The following NINJ2 variants were observed in gnomAD, a reference collection of about 807,000 sequenced individuals.
NINJ2 encodes ninjurin-2.
A neutral mutation model predicts 11.7 loss-of-function variants in NINJ2; 12 were observed. That is an observed-to-expected ratio of 1.02 (90% confidence interval 0.66 to 1.66). The LOEUF is 1.66. Ranked by LOEUF, NINJ2 falls within the 40% of genes most tolerant of loss-of-function variation. The probability of loss-of-function intolerance (pLI) is 0.00; values close to 1 mark genes in which losing one functional copy is unlikely to be tolerated. For synonymous variants in NINJ2, 93 were observed against 76.8 expected (o/e 1.21, Z -1.10); for missense variants, 187 against 181.8 (o/e 1.03, Z -0.16).
intron 1 of NINJ2, among the ~76,000 whole-genome samples, chr12:625,518 G>A (rs1484323263): frequency 6.6e-6 from 1 of 151,718 alleles, no homozygotes; most frequent in Non-Finnish European, 1.5e-5. Context: ...CTACGTTGAA[G>A]AAAAAGAAAG....
chr12:622,819 T>C (rs1279739612), intron 1 of NINJ2, among the ~76,000 whole-genome samples: 1 of 152,086 alleles, frequency 6.6e-6, no homozygotes, highest in Non-Finnish European at 1.5e-5. Flanking sequence ...TGAATAACTT[T>C]TCACATAATT....
At chr12:611,263 T>C (rs202220692) in intron 1 of NINJ2, among the ~76,000 whole-genome samples, 10,801 of 125,750 alleles carry the variant, frequency 0.086, 522 homozygotes, top group Middle Eastern at 0.13. Flanking sequence ...CTCTCTTTCT[T>C]TCTTTCTTTC....
rs1000458625 is a variant in NINJ2, at chr12:591,376, A to T, written c.34-25198T>A. 1 of 152,264 alleles carries T rather than the reference A, an allele frequency of 6.6e-6. No individual in the cohort carries two copies. The highest frequency in any genetic ancestry group is 1.5e-5 in the Non-Finnish European group (1 of 68,112). The allele number at this position is 152,264 out of a possible 1,614,324, so 9.4% of individuals were successfully genotyped here. A position where few individuals can be genotyped will look rare whatever the true frequency, so the allele number is the denominator to read the frequency against. On this transcript the variant is annotated intron_variant, in intron 1 of 3. Transcript: ENST00000305108. The surrounding 1 kb of genome is among the most constrained non-coding windows in gnomAD (Gnocchi z 5.0). Reference sequence around the variant, plus strand: ...TGAGAGCACTTTGGTGGGCAGAAATAGCCCTGTCACTCATGCCCAGCTGCA... The same window carrying T: ...TGAGAGCACTTTGGTGGGCAGAAATTGCCCTGTCACTCATGCCCAGCTGCA...
chr12:619,246 T>C (rs1948127489), intron 1 of NINJ2, among the ~76,000 whole-genome samples: 1 of 152,120 alleles, frequency 6.6e-6, no homozygotes, highest in African/African-American at 2.4e-5. Context: ...GGAGAGTATG[T>C]TTAGGACTTG....
intron 1 of NINJ2, among the ~76,000 whole-genome samples, chr12:630,008 T>C (rs1232373716): frequency 6.7e-6 from 1 of 148,770 alleles, no homozygotes; most frequent in Non-Finnish European, 1.5e-5. Flanking sequence ...ATTCTTCCAA[T>C]GTGGCCCAGG....
chr12:659,670 T>C (rs1937930302), intron 1 of NINJ2, among the ~76,000 whole-genome samples: 1 of 152,230 alleles, frequency 6.6e-6, no homozygotes, highest in Admixed American at 6.5e-5. Flanking sequence ...GCTGTGCTGC[T>C]GCTACCCATC....
chr12:652,647 T>G (rs1002549227), intron 1 of NINJ2, among the ~76,000 whole-genome samples: 1 of 152,014 alleles, frequency 6.6e-6, no homozygotes, highest in Non-Finnish European at 1.5e-5. Flanking sequence ...TTTTTTAAAA[T>G]TAACAAATGA....
At chr12:600,125 C>G (rs187887428) in intron 1 of NINJ2, among the ~76,000 whole-genome samples, 1 of 152,148 alleles carries the variant, frequency 6.6e-6, no homozygotes, top group Non-Finnish European at 1.5e-5. Context: ...TTCAATTCCT[C>G]GGGGCTGAAT....
At chr12:637,035 G>A (rs1474050413) in intron 1 of NINJ2, among the ~76,000 whole-genome samples, 1 of 152,192 alleles carries the variant, frequency 6.6e-6, no homozygotes, top group Non-Finnish European at 1.5e-5. Context: ...TCATACAATG[G>A]AATATTTTTC....
chr12:616,398 G>C (rs1037356906), intron 1 of NINJ2, among the ~76,000 whole-genome samples: 2 of 147,378 alleles, frequency 1.4e-5, no homozygotes, highest in Admixed American at 1.3e-4. Flanking sequence ...GACTGCCTGA[G>C]AGAGAGGACT....
At chr12:595,249 C>T (rs1947769119) in intron 1 of NINJ2, among the ~76,000 whole-genome samples, 1 of 152,054 alleles carries the variant, frequency 6.6e-6, no homozygotes, top group African/African-American at 2.4e-5. Context: ...TGGACAGTAG[C>T]ATAGGAGGAA....
intron 1 of NINJ2, among the ~76,000 whole-genome samples, chr12:576,383 T>G (rs961212088): frequency 6.6e-6 from 1 of 152,174 alleles, no homozygotes; most frequent in Non-Finnish European, 1.5e-5. Context: ...CGGGTTTCTC[T>G]CCAACAAAAG....
intron 1 of NINJ2, among the ~76,000 whole-genome samples, chr12:627,792 G>C (rs1356446826): frequency 6.6e-6 from 1 of 152,210 alleles, no homozygotes; most frequent in African/African-American, 2.4e-5. Flanking sequence ...GCGCATGCCT[G>C]TAATCCCTGG....
At chr12:610,288 C>T in intron 1 of NINJ2, 1 of 1,409,942 alleles carries the variant, frequency 7.1e-7, no homozygotes, top group Non-Finnish European at 9.7e-7. Context: ...GCCCAGTCCC[C>T]AGTGCCCAGC....
At chr12:617,781 G>C (rs1014563646) in intron 1 of NINJ2, among the ~76,000 whole-genome samples, 1 of 152,052 alleles carries the variant, frequency 6.6e-6, no homozygotes, top group Non-Finnish European at 1.5e-5. Flanking sequence ...ACTTCTGTTG[G>C]GCAGCGAGGT....
intron 1 of NINJ2, among the ~76,000 whole-genome samples, chr12:626,857 G>A (rs758243612): frequency 1.3e-5 from 2 of 152,150 alleles, no homozygotes; most frequent in Non-Finnish European, 2.9e-5. Flanking sequence ...AGGTTGAGGC[G>A]GGAGGATTGC....
At chr12:575,214 G>A (rs555647121) in intron 1 of NINJ2, among the ~76,000 whole-genome samples, 13 of 152,300 alleles carry the variant, frequency 8.5e-5, no homozygotes, top group African/African-American at 2.9e-4. Context: ...ACTCACACAA[G>A]CCCACCTGCA....
intron 1 of NINJ2, among the ~76,000 whole-genome samples, chr12:587,049 C>A (rs1283394398): frequency 6.6e-6 from 1 of 152,170 alleles, no homozygotes; most frequent in Admixed American, 6.5e-5. Context: ...TAAACAAGGC[C>A]AAAGGGAAAG....
intron 1 of NINJ2, chr12:610,478 G>A (rs1441522425): frequency 3.3e-6 from 5 of 1,532,056 alleles, no homozygotes; most frequent in Non-Finnish European, 4.4e-6. Flanking sequence ...AAAAGGGTCA[G>A]CGAGCACAGC....
Sources: gnomAD v4.1 joint callset for allele counts (sites outside exome capture counted in the v4.1 genomes callset) on GRCh38, gnomAD v4.1.1 for gene constraint, Gnocchi (gnomAD v3.1) non-coding constraint, MANE v1.5 for transcripts, NCBI Gene and HGNC (gene_info 2026-07-23, HGNC 2026-07-21) for gene names.